The following ATP8B4 variants were observed in gnomAD, a reference collection of about 807,000 sequenced individuals.
ATP8B4 encodes the protein probable phospholipid-transporting ATPase IM.
Under a neutral mutation model 145.6 loss-of-function variants are expected in ATP8B4, and 133 were observed. The ratio of observed to expected loss-of-function variants is 0.91; its 90% CI spans 0.79 to 1.05. ATP8B4 has a LOEUF of 1.05. Ranked by LOEUF, ATP8B4 falls within the 50% of genes least tolerant of loss-of-function variation. ATP8B4 has a pLI of 0.00. For missense variants in ATP8B4, 1,458 were observed against 1,425.2 expected, an observed-to-expected ratio of 1.02 and a Z score of -0.37; for synonymous variants, 507 against 492.9, an observed-to-expected ratio of 1.03 and a Z score of -0.38.
chr15:49,950,820 T>C (rs1191068582), intron 14 of ATP8B4, among the ~76,000 whole-genome samples: 7 of 152,126 alleles, frequency 4.6e-5, no homozygotes, highest in African/African-American at 1.7e-4. Flanking sequence ...CTTTCTAGCT[T>C]TCTGATGTGG....
intron 14 of ATP8B4, among the ~76,000 whole-genome samples, chr15:49,937,706 T>C (rs1002785599): frequency 6.6e-6 from 1 of 152,188 alleles, no homozygotes; most frequent in Non-Finnish European, 1.5e-5. Flanking sequence ...CTTTAACTCT[T>C]ATGAAAAGAC....
chr15:50,027,848 C>T (rs562791224), intron 6 of ATP8B4, among the ~76,000 whole-genome samples: 1 of 152,126 alleles, frequency 6.6e-6, no homozygotes, highest in Non-Finnish European at 1.5e-5. Flanking sequence ...TTTTCCTCAC[C>T]CATGCTATAA....
chr15:49,952,487 G>A (rs756221808), intron 14 of ATP8B4, among the ~76,000 whole-genome samples: 17 of 151,812 alleles, frequency 1.1e-4, no homozygotes, highest in Non-Finnish European at 1.9e-4. Flanking sequence ...TAGTCAATTC[G>A]GCTGTTGATA....
At chr15:50,040,884 C>A (rs946032079) in intron 5 of ATP8B4, among the ~76,000 whole-genome samples, 1 of 152,226 alleles carries the variant, frequency 6.6e-6, no homozygotes, top group Non-Finnish European at 1.5e-5. Context: ...GGCTAGCATT[C>A]ATTGTGTACT....
At chr15:50,011,662 C>T (rs1226457470) in intron 6 of ATP8B4, among the ~76,000 whole-genome samples, 2 of 152,184 alleles carry the variant, frequency 1.3e-5, no homozygotes, top group African/African-American at 4.8e-5. Flanking sequence ...ACAAGTTAGT[C>T]AGGGCTGTCC....
chr15:50,015,126 T>G (rs757759928), intron 6 of ATP8B4, among the ~76,000 whole-genome samples: 2 of 152,294 alleles, frequency 1.3e-5, no homozygotes, highest in Non-Finnish European at 2.9e-5. Context: ...ATGCTGTAAG[T>G]TACATTATTA....
Position 50,103,457 on chromosome 15 carries a change from C to G in ATP8B4, c.28+3482G>C, listed in dbSNP as rs1446117202. On this transcript the variant is annotated intron_variant, in intron 2 of 27. Coordinates refer to ENST00000284509, the MANE Select transcript of ATP8B4 (RefSeq NM_024837.4). ...CTGCTATACACCAACAGCAATCAAG[C>G]TGAGAATCAAATGAAGAACTCAAAC... Among the ~76,000 whole-genome samples the G allele has an allele frequency of 2.0e-5, 3 of 152,182 alleles. No homozygotes were observed. The East Asian group carries it at 5.8e-4, about 29-fold the overall frequency.
At chr15:50,133,357 T>C (rs911658995) in intron 1 of ATP8B4, among the ~76,000 whole-genome samples, 1 of 151,952 alleles carries the variant, frequency 6.6e-6, no homozygotes, top group Non-Finnish European at 1.5e-5. Flanking sequence ...GGCAGGAGGA[T>C]TGCTTGAGCC....
At chr15:50,112,226 G>A (rs971233133) in intron 1 of ATP8B4, among the ~76,000 whole-genome samples, 1 of 152,160 alleles carries the variant, frequency 6.6e-6, no homozygotes, top group Non-Finnish European at 1.5e-5. Context: ...GGAAGAGACA[G>A]GAACAGTGCA....
At chr15:49,876,687 C>G in intron 24 of ATP8B4, 164 bp from the exon 25 acceptor site, 1 of 985,692 alleles carries the variant, frequency 1.0e-6, no homozygotes, top group Admixed American at 2.0e-5. Flanking sequence ...CCACAATAAA[C>G]CAGAAGATAA....
At chr15:50,011,614 T>C (rs1007264378) in intron 6 of ATP8B4, among the ~76,000 whole-genome samples, 46 of 152,288 alleles carry the variant, frequency 3.0e-4, no homozygotes, top group Admixed American at 1.4e-3. Context: ...GGGTTTATTA[T>C]GAAAAGCTAT....
intron 1 of ATP8B4, among the ~76,000 whole-genome samples, chr15:50,137,772 G>A (rs1472534463): frequency 1.3e-5 from 2 of 152,190 alleles, no homozygotes; most frequent in East Asian, 1.9e-4. Flanking sequence ...TTAGAGCTGG[G>A]AGGGTCGTCA....
At chr15:49,897,871 A>G (rs2037581404) in intron 22 of ATP8B4, among the ~76,000 whole-genome samples, 197 bp downstream of exon 22, 1 of 152,218 alleles carries the variant, frequency 6.6e-6, no homozygotes, top group Non-Finnish European at 1.5e-5. Context: ...AAAAATACAC[A>G]AATGGTTTAT....
At chr15:49,991,527 A>T (rs959215146) in intron 9 of ATP8B4, among the ~76,000 whole-genome samples, 8 of 152,230 alleles carry the variant, frequency 5.3e-5, no homozygotes, top group African/African-American at 1.9e-4. Flanking sequence ...CAATTCCCAT[A>T]AGACTTTAAC....
chr15:50,022,657 A>C (rs1042833921), intron 6 of ATP8B4, among the ~76,000 whole-genome samples: 1 of 152,212 alleles, frequency 6.6e-6, no homozygotes, highest in African/African-American at 2.4e-5. Flanking sequence ...CCCCTGGCCC[A>C]ACCTATGACA....
intron 24 of ATP8B4, among the ~76,000 whole-genome samples, chr15:49,878,231 T>G (rs2034803735): frequency 6.6e-6 from 1 of 152,230 alleles, no homozygotes; most frequent in Admixed American, 6.5e-5. Context: ...AAAGAAACAC[T>G]TGTAAACATG....
intron 1 of ATP8B4, among the ~76,000 whole-genome samples, chr15:50,125,072 G>A (rs1022606625): frequency 2.6e-5 from 4 of 152,128 alleles, no homozygotes; most frequent in African/African-American, 4.8e-5. Flanking sequence ...CACATAATGG[G>A]TATCCAGTAA....
At chr15:49,941,727 G>C (rs34649541) in intron 14 of ATP8B4, among the ~76,000 whole-genome samples, 33,471 of 151,928 alleles carry the variant, frequency 0.22, 4,869 homozygotes, top group Non-Finnish European at 0.31. Context: ...CATATAAAAA[G>C]ACACCTGCAC....
At chr15:49,952,117 C>T (rs2043157184) in intron 14 of ATP8B4, among the ~76,000 whole-genome samples, 1 of 152,128 alleles carries the variant, frequency 6.6e-6, no homozygotes, top group African/African-American at 2.4e-5. Flanking sequence ...TCTCTGGCTG[C>T]CCTTAGCAGT....
Sources: gnomAD v4.1 joint callset for allele counts (sites outside exome capture counted in the v4.1 genomes callset) on GRCh38, gnomAD v4.1.1 for gene constraint, MANE v1.5 for transcripts, NCBI Gene and HGNC (gene_info 2026-07-23, HGNC 2026-07-21) for gene names.